CCDC178: variants seen among roughly 807,000 people sequenced by gnomAD.
CCDC178 encodes the protein coiled-coil domain-containing protein 178.
Under a neutral mutation model 117.4 loss-of-function variants are expected in CCDC178, and 126 were observed. That is an observed-to-expected ratio of 1.07 (90% CI 0.93 to 1.24). CCDC178 has a LOEUF of 1.24. CCDC178 is among the 50% of genes most tolerant of loss of function. CCDC178 has a pLI of 0.00. For synonymous variants in CCDC178, 283 were observed against 313.4 expected (o/e 0.90, Z 1.02); for missense variants, 1,030 against 986.9 (o/e 1.04, Z -0.59).
chr18:33,279,639 T>C (rs2059996260), intron 12 of CCDC178, among the ~76,000 whole-genome samples: 1 of 152,082 alleles, frequency 6.6e-6, no homozygotes, highest in East Asian at 1.9e-4. Context: ...GAGCCCACAT[T>C]GCCAAGTCAA....
At chr18:33,281,117 A>AATAATAATAATAATAAT (rs1463010708) in intron 12 of CCDC178, among the ~76,000 whole-genome samples, 6,186 of 124,744 alleles carry the variant, frequency 0.05, 152 homozygotes, top group East Asian at 0.11. Context: ...ATAATAATAA[A>AATAATAATAATAATAAT]GAAACACACA....
At chr18:32,990,972 AATTAT>A (rs2055376127) in intron 21 of CCDC178, among the ~76,000 whole-genome samples, 1 of 151,534 alleles carries the variant, frequency 6.6e-6, no homozygotes, top group South Asian at 2.1e-4. Context: ...CTTTTATATC[AATTAT>A]ATTATGAGTA....
At chr18:33,135,640 T>G (rs1379265224) in intron 20 of CCDC178, among the ~76,000 whole-genome samples, 2 of 152,218 alleles carry the variant, frequency 1.3e-5, no homozygotes, top group Non-Finnish European at 2.9e-5. Flanking sequence ...ATATGGTATC[T>G]TTTTTGCATG....
At chr18:33,365,249 T>G (rs2063186238) in intron 6 of CCDC178, among the ~76,000 whole-genome samples, 1 of 152,040 alleles carries the variant, frequency 6.6e-6, no homozygotes, top group Non-Finnish European at 1.5e-5. Context: ...AATGTTAGGT[T>G]TCAGAGTTAA....
At chr18:33,322,506 T>C (rs949784814) in intron 11 of CCDC178, among the ~76,000 whole-genome samples, 1 of 151,814 alleles carries the variant, frequency 6.6e-6, no homozygotes, top group East Asian at 1.9e-4. Context: ...ACAATTTTCA[T>C]GGTTTGAAAC....
At chr18:33,349,275 G>GTA (rs1199107332) in intron 7 of CCDC178, among the ~76,000 whole-genome samples, 1 of 151,846 alleles carries the variant, frequency 6.6e-6, no homozygotes, top group Non-Finnish European at 1.5e-5. Context: ...GTAAGACAAA[G>GTA]GGTATTCTGT....
intron 11 of CCDC178, among the ~76,000 whole-genome samples, chr18:33,322,800 C>A (rs925795467): frequency 1.2e-4 from 18 of 151,202 alleles, no homozygotes; most frequent in Non-Finnish European, 2.1e-4. Context: ...TGAATGTTAT[C>A]TAGGTTGTGA....
intron 21 of CCDC178, among the ~76,000 whole-genome samples, chr18:32,989,551 T>A (rs2055343791): frequency 6.6e-6 from 1 of 152,228 alleles, no homozygotes; most frequent in Non-Finnish European, 1.5e-5. Context: ...TTTATTGATT[T>A]AGCTTGAAAG....
chr18:32,968,637 G>A (rs746239453), intron 22 of CCDC178, among the ~76,000 whole-genome samples: 10 of 151,956 alleles, frequency 6.6e-5, no homozygotes, highest in African/African-American at 2.2e-4. Flanking sequence ...TAGATTTATC[G>A]TATATATTCT....
At chr18:33,238,671 C>T (rs2059453088) in intron 15 of CCDC178, among the ~76,000 whole-genome samples, 1 of 151,956 alleles carries the variant, frequency 6.6e-6, no homozygotes, top group Admixed American at 6.6e-5. Context: ...GTATTATGGG[C>T]ATTCCAGAAG....
chr18:33,259,388 T>G (rs1395009779), intron 14 of CCDC178, among the ~76,000 whole-genome samples: 1 of 152,146 alleles, frequency 6.6e-6, no homozygotes, highest in Admixed American at 6.6e-5. Flanking sequence ...AAGAACTACC[T>G]GAGACTGGGT....
chr18:33,039,560 A>C (rs1380304509), intron 21 of CCDC178, among the ~76,000 whole-genome samples: 1 of 152,026 alleles, frequency 6.6e-6, no homozygotes, highest in Admixed American at 6.6e-5. Flanking sequence ...TAACAAGAGC[A>C]TGCCCTCAGA....
At chr18:33,288,699 A>C (rs1251375680) in intron 12 of CCDC178, among the ~76,000 whole-genome samples, 1 of 152,126 alleles carries the variant, frequency 6.6e-6, no homozygotes, top group Non-Finnish European at 1.5e-5. Flanking sequence ...AGTTCAAAGC[A>C]TAAGGAAGAA....
At chr18:33,172,509 T>C (rs1191508682) in intron 20 of CCDC178, among the ~76,000 whole-genome samples, 1 of 152,078 alleles carries the variant, frequency 6.6e-6, no homozygotes, top group Non-Finnish European at 1.5e-5. Context: ...TATACATTTA[T>C]ATTTATAATT....
At chr18:33,283,152 C>G (rs1272853852) in intron 12 of CCDC178, among the ~76,000 whole-genome samples, 1 of 152,094 alleles carries the variant, frequency 6.6e-6, no homozygotes, top group African/African-American at 2.4e-5. Context: ...CTCAAGGAGC[C>G]AAGAACAAAG....
At position 33,166,494 on chromosome 18, in the gene CCDC178, C is replaced by A. The variant is rs144445066; in HGVS notation, c.2238+45402G>T. Among the ~76,000 whole-genome samples the A allele has an allele frequency of 3.9e-3, 589 of 151,978 alleles. 8 individuals carry two copies. The highest frequency in any genetic ancestry group is 0.029 in the Admixed American group (442 of 15,216). ...AATTGGATGGCCTAGAGCTTAGAGC[C>A]CTTAAACTCGTTTTTCAGGGAATAG... On this transcript the variant is annotated intron_variant, in intron 20 of 22. Coordinates refer to ENST00000383096, the MANE Select transcript of CCDC178 (RefSeq NM_001105528.4).
rs551582998 is a variant in CCDC178, at chr18:33,412,371, A to G, written c.-22-261T>C. 2.0e-5 allele frequency among the ~76,000 whole-genome samples: 3 copies of G among 152,228 alleles called. No homozygotes were observed. The South Asian group carries it at 6.2e-4, about 32-fold the overall frequency. On this transcript the variant is annotated intron_variant, in intron 2 of 22. Transcript: ENST00000383096. ...AACCAATACCTAGGCTGACTACGAG[A>G]TAATTTAGCATTGGCAATTGTAGCT...
intron 21 of CCDC178, among the ~76,000 whole-genome samples, chr18:33,025,417 A>G (rs970826466): frequency 6.6e-6 from 1 of 152,152 alleles, no homozygotes; most frequent in South Asian, 2.1e-4. Flanking sequence ...TAAAATTAAA[A>G]CTTTTGCTCT....
intron 20 of CCDC178, among the ~76,000 whole-genome samples, chr18:33,166,376 T>A (rs1266684916): frequency 6.6e-6 from 1 of 152,206 alleles, no homozygotes; most frequent in Non-Finnish European, 1.5e-5. Context: ...AAATATTTTA[T>A]TGCTTATTGA....
Sources: gnomAD v4.1 joint callset for allele counts (sites outside exome capture counted in the v4.1 genomes callset) on GRCh38, gnomAD v4.1.1 for gene constraint, MANE v1.5 for transcripts, NCBI Gene and HGNC (gene_info 2026-07-23, HGNC 2026-07-21) for gene names.